IGFL4: variants seen among roughly 807,000 people sequenced by gnomAD.
IGFL4 encodes the protein insulin growth factor-like family member 4.
A neutral mutation model predicts 15.4 loss-of-function variants in IGFL4; 12 were observed. That is an observed-to-expected ratio of 0.78 (90% CI 0.50 to 1.26). The LOEUF is 1.26. IGFL4 is among the 50% of genes most tolerant of loss of function. The probability of loss-of-function intolerance (pLI) is 0.00; values close to 1 mark genes in which losing one functional copy is unlikely to be tolerated. For synonymous variants in IGFL4, 54 were observed against 55.9 expected, an observed-to-expected ratio of 0.97 and a Z score of 0.16; for missense variants, 126 against 147.8, an observed-to-expected ratio of 0.85 and a Z score of 0.76.
At chr19:46,043,199 C>A (rs1284212735), upstream of IGFL4, among the ~76,000 whole-genome samples, 1 of 152,110 alleles carries the variant, frequency 6.6e-6, no homozygotes. Flanking sequence ...TAATGCCCCC[C>A]TACTGAAATT....
chr19:46,052,438 C>T (rs112086578), intron 2 of IGFL4, among the ~76,000 whole-genome samples: 56 of 152,038 alleles, frequency 3.7e-4, no homozygotes, highest in African/African-American at 1.3e-3. Flanking sequence ...ATTCTTTGAC[C>T]TGAATGATAA....
intron 1 of IGFL4, among the ~76,000 whole-genome samples, chr19:46,075,309 A>G (rs970064216): frequency 6.6e-6 from 1 of 152,166 alleles, no homozygotes; most frequent in African/African-American, 2.4e-5. Flanking sequence ...CCAGAATCCT[A>G]TTCAGGACAC....
At chr19:46,064,828 A>G (rs1969479642) in intron 1 of IGFL4, among the ~76,000 whole-genome samples, 1 of 152,194 alleles carries the variant, frequency 6.6e-6, no homozygotes, top group Non-Finnish European at 1.5e-5. Flanking sequence ...GTAGGATCAT[A>G]TGGTAGCTCT....
chr19:46,047,949 G>A (rs538365005), intron 2 of IGFL4, among the ~76,000 whole-genome samples: 11 of 152,224 alleles, frequency 7.2e-5, no homozygotes, highest in Middle Eastern at 6.8e-3. Context: ...ACCAAAACCT[G>A]GCAGAGATAC....
chr19:46,054,771 G>A (rs1255134205), intron 2 of IGFL4, among the ~76,000 whole-genome samples: 1 of 152,186 alleles, frequency 6.6e-6, no homozygotes, highest in Non-Finnish European at 1.5e-5. Flanking sequence ...TCCAAGGGAA[G>A]ATGAATGTGA....
At chr19:46,041,171 G>A, upstream of IGFL4, 1 of 541,590 alleles carries the variant, frequency 1.8e-6, no homozygotes, top group Non-Finnish European at 3.2e-6. Flanking sequence ...CCTGTTCCAA[G>A]TGGTTGCTGC....
chr19:46,057,588 T>C (rs1181026878), intron 2 of IGFL4: 2 of 152,200 alleles, frequency 1.3e-5, no homozygotes, highest in African/African-American at 4.8e-5. Context: ...GGTTGCCCAT[T>C]TTTATGGTTA....
In IGFL4 at chr19:46,066,178, C is replaced by G. The variant is rs182235214; in HGVS notation, c.-431-5885G>C. On this transcript the variant is annotated intron_variant, in intron 1 of 5. Transcript: ENST00000601672. ...CCAAAGATCTTTAAACATCTTGACA[C>G]CATATATCAAGGAATCCAGCTGCCA... Among the ~76,000 whole-genome samples the G allele has an allele frequency of 1.5e-3, 226 of 152,264 alleles. 4 individuals carry two copies. In the South Asian group the frequency reaches 0.016, roughly 11 times the overall value.
chr19:46,067,877 C>A (rs1046163233), intron 1 of IGFL4, among the ~76,000 whole-genome samples: 2 of 152,062 alleles, frequency 1.3e-5, no homozygotes, highest in African/African-American at 4.8e-5. Flanking sequence ...ATGAGTAAGC[C>A]CTAGTGCCAT....
At chr19:46,054,076 ACT>A (rs1321800123) in intron 2 of IGFL4, among the ~76,000 whole-genome samples, 2 of 151,792 alleles carry the variant, frequency 1.3e-5, no homozygotes, top group East Asian at 3.9e-4. Context: ...TCATGTTTTC[ACT>A]CTGTTGTTTG....
chr19:46,056,382 A>T (rs1402771438), intron 2 of IGFL4, among the ~76,000 whole-genome samples: 1 of 152,190 alleles, frequency 6.6e-6, no homozygotes, highest in Non-Finnish European at 1.5e-5. Flanking sequence ...AGCTAATTAG[A>T]GTCCCTTATA....
rs757757442 is a variant in IGFL4, at chr19:46,052,396, T to C, written c.-323+7789A>G. On this transcript the variant is annotated intron_variant, in intron 2 of 5. Coordinates refer to the IGFL4 transcript ENST00000601672. ...TAAATAACCTGCTCCTGAGTGATCATTGGGACAACAATTAAAGATAGAAAT... is the reference window on the plus strand; with the variant it reads ...TAAATAACCTGCTCCTGAGTGATCACTGGGACAACAATTAAAGATAGAAAT... Among the ~76,000 whole-genome samples, 10 of 152,186 alleles carry C rather than the reference T, an allele frequency of 6.6e-5. No homozygotes were observed. In the East Asian group the frequency reaches 1.2e-3, roughly 18 times the overall value.
At chr19:46,049,885 AC>A (rs1969330095) in intron 2 of IGFL4, among the ~76,000 whole-genome samples, 1 of 152,132 alleles carries the variant, frequency 6.6e-6, no homozygotes, top group Admixed American at 6.5e-5. Flanking sequence ...TAACACACAT[AC>A]AGCCAAGGAC....
At chr19:46,071,080 T>C (rs1160752453) in intron 1 of IGFL4, among the ~76,000 whole-genome samples, 1 of 151,944 alleles carries the variant, frequency 6.6e-6, no homozygotes, top group Non-Finnish European at 1.5e-5. Flanking sequence ...TTTGCCTGCA[T>C]GGGATTCACC....
At chr19:46,076,830 G>A (rs182910254) in intron 1 of IGFL4, among the ~76,000 whole-genome samples, 174 of 152,104 alleles carry the variant, frequency 1.1e-3, no homozygotes, top group African/African-American at 4.0e-3. Flanking sequence ...CTGGCTGCCC[G>A]GCACTTCTAC....
intron 2 of IGFL4, chr19:46,058,450 GCA>G (rs1474987725): frequency 6.6e-6 from 1 of 152,382 alleles, no homozygotes; most frequent in Non-Finnish European, 1.5e-5. Context: ...TCTTCCAGGT[GCA>G]CAGTGTAAGC....
At chr19:46,063,237 T>A (rs1035253) in intron 1 of IGFL4, among the ~76,000 whole-genome samples, 5,946 of 152,148 alleles carry the variant, frequency 0.039, 190 homozygotes, top group African/African-American at 0.076. Context: ...ACTTACTCTA[T>A]TATTTAAATT....
chr19:46,071,822 A>G (rs1236831068), intron 1 of IGFL4, among the ~76,000 whole-genome samples: 1 of 152,218 alleles, frequency 6.6e-6, no homozygotes, highest in Non-Finnish European at 1.5e-5. Flanking sequence ...GGAGTTTGAG[A>G]CCAGCAACTC....
At chr19:46,041,863 C>T (rs1456344649), upstream of IGFL4, among the ~76,000 whole-genome samples, 1 of 141,374 alleles carries the variant, frequency 7.1e-6, no homozygotes, top group Middle Eastern at 3.4e-3. Context: ...TTTTGAGACA[C>T]CGTATCTCTC....
Sources: gnomAD v4.1 joint callset for allele counts (sites outside exome capture counted in the v4.1 genomes callset) on GRCh38, gnomAD v4.1.1 for gene constraint, MANE v1.5 for transcripts, NCBI Gene and HGNC (gene_info 2026-07-23, HGNC 2026-07-21) for gene names.